The following DIAPH2 variants were observed in gnomAD, a reference collection of about 807,000 sequenced individuals.
The protein encoded by DIAPH2 is protein diaphanous homolog 2.
A neutral mutation model predicts 92.7 loss-of-function variants in DIAPH2; 35 were observed. The observed-to-expected ratio is 0.38, with a 90% confidence interval of 0.29 to 0.50. The LOEUF is 0.50. Among genes scored for constraint, DIAPH2 ranks in the 20% least tolerant of loss-of-function variants. DIAPH2 has a pLI of 0.94. For missense variants in DIAPH2, 701 were observed against 819.5 expected (o/e 0.86, Z 1.77); for synonymous variants, 301 against 280.4 (o/e 1.07, Z -0.73).
intron 1 of DIAPH2, among the ~76,000 whole-genome samples, chrX:96,715,892 T>C (rs1174840986): frequency 9.1e-6 from 1 of 110,328 alleles, no homozygotes; most frequent in East Asian, 2.8e-4. Flanking sequence ...TCTTTGCTTT[T>C]GGTTTAATCT....
At chrX:97,272,891 C>T (rs950196477) in intron 23 of DIAPH2, among the ~76,000 whole-genome samples, 18 of 112,191 alleles carry the variant, frequency 1.6e-4, no homozygotes, top group African/African-American at 5.2e-4. Context: ...CGCAGTGGCT[C>T]ATGTGTGTAA....
At chrX:97,495,032 G>A (rs1052605447) in intron 26 of DIAPH2, among the ~76,000 whole-genome samples, 2 of 112,337 alleles carry the variant, frequency 1.8e-5, no homozygotes, top group African/African-American at 6.5e-5. Flanking sequence ...AGCCCTTCAG[G>A]CAGTGCACCA....
chrX:96,893,682 A>C (rs2065322353), intron 5 of DIAPH2, among the ~76,000 whole-genome samples: 1 of 112,293 alleles, frequency 8.9e-6, no homozygotes, highest in South Asian at 3.7e-4. Flanking sequence ...TAGTAATCTA[A>C]CCTGCTACCA....
At chrX:97,370,119 G>T (rs1569376487) in intron 24 of DIAPH2, among the ~76,000 whole-genome samples, 1 of 111,202 alleles carries the variant, frequency 9.0e-6, no homozygotes, top group Non-Finnish European at 1.9e-5. Flanking sequence ...AGTTCATGCT[G>T]GATAATGAAT....
chrX:96,816,496 A>G (rs1367713214), intron 4 of DIAPH2, among the ~76,000 whole-genome samples: 1 of 112,557 alleles, frequency 8.9e-6, no homozygotes, highest in African/African-American at 3.2e-5. Context: ...TGATCATCAG[A>G]GAAATACATA....
intron 26 of DIAPH2, among the ~76,000 whole-genome samples, chrX:97,547,805 T>A (rs2071192444): frequency 8.9e-6 from 1 of 112,244 alleles, no homozygotes; most frequent in Non-Finnish European, 1.9e-5. Flanking sequence ...GATGAAGAAA[T>A]CAAGGCCCAG....
chrX:96,849,368 G>A (rs932820749), intron 4 of DIAPH2, among the ~76,000 whole-genome samples: 2 of 111,216 alleles, frequency 1.8e-5, no homozygotes, highest in Non-Finnish European at 3.8e-5. Flanking sequence ...GTTTCGCCAC[G>A]TTGACCAGGC....
At chrX:97,500,763 G>GATATATATAT (rs56041649) in intron 26 of DIAPH2, among the ~76,000 whole-genome samples, 5 of 60,106 alleles carry the variant, frequency 8.3e-5, no homozygotes, top group Non-Finnish European at 9.3e-5. Context: ...CATTCAAGGA[G>GATATATATAT]ATATATATAT....
intron 26 of DIAPH2, among the ~76,000 whole-genome samples, chrX:97,488,937 T>C (rs1233093088): frequency 8.9e-6 from 1 of 112,087 alleles, no homozygotes; most frequent in African/African-American, 3.2e-5. Flanking sequence ...TCATGCTCTT[T>C]TGTAGTTATG....
At chrX:97,357,456 C>T (rs1308767298) in intron 24 of DIAPH2, among the ~76,000 whole-genome samples, 2 of 105,691 alleles carry the variant, frequency 1.9e-5, no homozygotes, top group Non-Finnish European at 3.9e-5. Context: ...ATGCCTGCCC[C>T]CTCTTCTTCT....
intron 7 of DIAPH2, among the ~76,000 whole-genome samples, chrX:96,914,884 G>C (rs1439240647): frequency 9.0e-6 from 1 of 111,326 alleles, no homozygotes; most frequent in African/African-American, 3.2e-5. Flanking sequence ...TATGCCTTCA[G>C]AATAGAAAAT....
At position 97,001,920 on chromosome X, in the gene DIAPH2, G is replaced by T. The variant is rs186784077; in HGVS notation, c.2050+36713G>T. Among the ~76,000 whole-genome samples the T allele has an allele frequency of 5.5e-3, 611 of 110,222 alleles. 4 individuals are homozygous for T. Among genetic ancestry groups the T allele is most frequent in the Middle Eastern group, 0.033 (7 of 213 alleles). On this transcript the variant is annotated intron_variant, in intron 17 of 26. Transcript: ENST00000324765. ...ATGTTGATTTTTCCAAATAGGGTAC[G>T]ATATTTTATGAAAGTTTTTTTTCTT... is the stretch of plus-strand genomic sequence containing the variant.
intron 26 of DIAPH2, among the ~76,000 whole-genome samples, chrX:97,578,032 T>A (rs201187042): frequency 9.7e-6 from 1 of 103,552 alleles, no homozygotes; most frequent in Non-Finnish European, 2.0e-5. Flanking sequence ...AGTCTTGTTT[T>A]AAATCCACTG....
chrX:97,119,145 A>G (rs1206675976), intron 21 of DIAPH2, among the ~76,000 whole-genome samples: 4 of 110,369 alleles, frequency 3.6e-5, no homozygotes, highest in Admixed American at 9.6e-5. Context: ...TGGTCCTATT[A>G]CCAGAGTTGG....
chrX:97,490,960 A>ATT (rs751878170), intron 26 of DIAPH2, among the ~76,000 whole-genome samples: 1 of 102,828 alleles, frequency 9.7e-6, no homozygotes, highest in African/African-American at 3.5e-5. Flanking sequence ...TTCCTTATTG[A>ATT]TTTTTTTTTT....
chrX:96,762,551 A>G (rs1226560176), intron 4 of DIAPH2, among the ~76,000 whole-genome samples: 2 of 111,153 alleles, frequency 1.8e-5, no homozygotes, highest in Non-Finnish European at 3.8e-5. Flanking sequence ...TTTGTTTTCA[A>G]CCTAAAGTTT....
chrX:97,167,914 G>T (rs1483066460), intron 22 of DIAPH2, among the ~76,000 whole-genome samples: 1 of 110,897 alleles, frequency 9.0e-6, no homozygotes, highest in East Asian at 2.8e-4. Flanking sequence ...CTTTTGGGTT[G>T]TTTATCCTCT....
chrX:96,918,132 TAATG>T (rs2065517425), intron 8 of DIAPH2, among the ~76,000 whole-genome samples: 1 of 111,244 alleles, frequency 9.0e-6, no homozygotes, highest in African/African-American at 3.3e-5. Flanking sequence ...TCCTATATTG[TAATG>T]GTCTTTCAGT....
intron 22 of DIAPH2, among the ~76,000 whole-genome samples, chrX:97,196,579 A>G (rs911506399): frequency 9.0e-6 from 1 of 111,308 alleles, no homozygotes; most frequent in African/African-American, 3.3e-5. Context: ...CTAGTACTGG[A>G]AGTTTGTTAA....
Sources: allele counts gnomAD v4.1 joint callset (sites outside exome capture counted in the v4.1 genomes callset), GRCh38; gene constraint gnomAD v4.1.1; transcripts MANE v1.5; gene names NCBI Gene and HGNC (gene_info 2026-07-23, HGNC 2026-07-21).